AGBL1: variants seen among roughly 807,000 people sequenced by gnomAD.
AGBL1 encodes the protein cytosolic carboxypeptidase 4.
AGBL1 carries 130 observed loss-of-function variants against 118.9 expected under a neutral mutation model. The ratio of observed to expected loss-of-function variants is 1.09; its 90% CI spans 0.95 to 1.26. AGBL1 has a LOEUF of 1.26. Ranked by LOEUF, AGBL1 falls within the 50% of genes most tolerant of loss-of-function variation. The pLI, the probability that AGBL1 is intolerant of heterozygous loss-of-function variation, is 0.00. For synonymous variants in AGBL1, 555 were observed against 478.9 expected (o/e 1.16, Z -2.08); for missense variants, 1,584 against 1,298.1 (o/e 1.22, Z -3.38).
At chr15:86,619,879 C>G (rs938433303) in intron 21 of AGBL1, among the ~76,000 whole-genome samples, 1 of 152,182 alleles carries the variant, frequency 6.6e-6, no homozygotes, top group African/African-American at 2.4e-5. Flanking sequence ...CATGCACACG[C>G]AGAGAGAGTG....
At chr15:86,535,330 C>T (rs182053400) in intron 19 of AGBL1, among the ~76,000 whole-genome samples, 27 of 152,326 alleles carry the variant, frequency 1.8e-4, no homozygotes, top group African/African-American at 6.0e-4. Flanking sequence ...CCAAGAGGCT[C>T]ATGGCCAAGG....
intron 21 of AGBL1, among the ~76,000 whole-genome samples, chr15:86,664,509 T>C (rs1449494092): frequency 2.6e-5 from 4 of 152,220 alleles, no homozygotes; most frequent in Admixed American, 2.6e-4. Context: ...CAACTCATGC[T>C]GGCTCTTTGT....
chr15:86,215,573 G>A (rs1304300870), intron 5 of AGBL1, among the ~76,000 whole-genome samples: 3 of 152,092 alleles, frequency 2.0e-5, no homozygotes, highest in Non-Finnish European at 1.5e-5. Context: ...TTAAGTACCT[G>A]ACATTGCAGT....
At chr15:86,990,132 C>T (rs773749252) in intron 24 of AGBL1, among the ~76,000 whole-genome samples, 28 of 152,098 alleles carry the variant, frequency 1.8e-4, no homozygotes, top group Non-Finnish European at 3.8e-4. Flanking sequence ...AGATAGAAAG[C>T]GTATAAGAAA....
chr15:86,987,051 A>G (rs1384315972), intron 23 of AGBL1, among the ~76,000 whole-genome samples: 2 of 152,164 alleles, frequency 1.3e-5, no homozygotes, highest in Non-Finnish European at 2.9e-5. Context: ...ATGAGCCAGG[A>G]GAAGGAATTT....
intron 22 of AGBL1, among the ~76,000 whole-genome samples, chr15:86,819,791 C>T (rs1273633263): frequency 1.3e-5 from 2 of 152,094 alleles, no homozygotes; most frequent in African/African-American, 2.4e-5. Flanking sequence ...GAAACAACTA[C>T]TTTAAATTTC....
chr15:86,252,214 C>A (rs2078827961), intron 7 of AGBL1, among the ~76,000 whole-genome samples: 1 of 152,146 alleles, frequency 6.6e-6, no homozygotes, highest in African/African-American at 2.4e-5. Context: ...TCACAGTTGC[C>A]ACCATTTGCT....
chr15:86,945,001 G>A (rs565260610), intron 23 of AGBL1, among the ~76,000 whole-genome samples: 1 of 152,104 alleles, frequency 6.6e-6, no homozygotes, highest in African/African-American at 2.4e-5. Context: ...TCACATCATT[G>A]TTTACAATGT....
chr15:86,612,589 C>G (rs62012547), intron 21 of AGBL1, among the ~76,000 whole-genome samples: 4,174 of 152,194 alleles, frequency 0.027, 102 homozygotes, highest in East Asian at 0.13. Context: ...ACCTGACTCT[C>G]GTACAGCATC....
At chr15:86,405,492 G>A (rs1026241188) in intron 18 of AGBL1, among the ~76,000 whole-genome samples, 8 of 151,724 alleles carry the variant, frequency 5.3e-5, no homozygotes, top group African/African-American at 1.9e-4. Context: ...GGGCAACAGA[G>A]TGAGACTCTA....
chr15:86,141,651 A>C (rs2076965338), intron 1 of AGBL1, among the ~76,000 whole-genome samples: 1 of 152,164 alleles, frequency 6.6e-6, no homozygotes, highest in Non-Finnish European at 1.5e-5. Flanking sequence ...ACTTCATCTT[A>C]AATAAAAATA....
At chr15:86,777,436 C>T (rs1426179988) in intron 22 of AGBL1, among the ~76,000 whole-genome samples, 1 of 150,370 alleles carries the variant, frequency 6.7e-6, no homozygotes, top group Non-Finnish European at 1.5e-5. Context: ...ATTTTTTTTT[C>T]CCTTTACAAT....
chr15:86,904,716 T>C (rs2080258674), intron 22 of AGBL1, among the ~76,000 whole-genome samples: 1 of 150,186 alleles, frequency 6.7e-6, no homozygotes, highest in African/African-American at 2.4e-5. Context: ...ATATTTGTTA[T>C]AAAACACTAA....
intron 1 of AGBL1, among the ~76,000 whole-genome samples, chr15:86,131,519 T>C (rs1435418754): frequency 1.3e-5 from 2 of 152,212 alleles, no homozygotes; most frequent in Non-Finnish European, 1.5e-5. Flanking sequence ...TTGAGTAAAT[T>C]ATTCAACTTC....
chr15:86,260,188 T>C (rs1478725948), intron 9 of AGBL1, among the ~76,000 whole-genome samples: 2 of 152,202 alleles, frequency 1.3e-5, no homozygotes, highest in Non-Finnish European at 2.9e-5. Context: ...GGATTTTCCC[T>C]GGGGAAACCA....
At chr15:86,919,751 T>A (rs1444790373), downstream of AGBL1, among the ~76,000 whole-genome samples, 1 of 152,238 alleles carries the variant, frequency 6.6e-6, no homozygotes, top group African/African-American at 2.4e-5. Flanking sequence ...CGGCAAGCTC[T>A]CTCACGATGT....
intron 6 of AGBL1, among the ~76,000 whole-genome samples, chr15:86,230,527 T>C (rs947120495): frequency 2.2e-4 from 34 of 152,324 alleles, no homozygotes; most frequent in African/African-American, 7.7e-4. Flanking sequence ...CTGCCTGTGG[T>C]CTGCCCTCCT....
chr15:86,518,478 C>G (rs1396883407), intron 18 of AGBL1, among the ~76,000 whole-genome samples: 1 of 152,008 alleles, frequency 6.6e-6, no homozygotes, highest in Non-Finnish European at 1.5e-5. Context: ...CTGATTGACT[C>G]TTCGATAATT....
At position 86,237,101 on chromosome 15, in the gene AGBL1, C is replaced by A. The variant is rs376184000; in HGVS notation, c.527-10570C>A. 3.3e-5 allele frequency among the ~76,000 whole-genome samples: 5 copies of A among 152,220 alleles called. 1 individual carries two copies. In the East Asian group the frequency reaches 7.7e-4, roughly 24 times the overall value. ...AGCTCTAAAAGCCGGGCCTTTCCTG[C>A]TAGACAAGAAACGTTCTGGAGCTAC... On this transcript the variant is annotated intron_variant, in intron 6 of 22. Coordinates refer to ENST00000614907, the MANE Select transcript of AGBL1 (RefSeq NM_001386094.1).
Sources: gnomAD v4.1 joint callset for allele counts (sites outside exome capture counted in the v4.1 genomes callset) on GRCh38, gnomAD v4.1.1 for gene constraint, MANE v1.5 for transcripts, NCBI Gene and HGNC (gene_info 2026-07-23, HGNC 2026-07-21) for gene names.